MYO9A: variants seen among roughly 807,000 people sequenced by gnomAD.
MYO9A encodes the protein myosin IXA.
MYO9A carries 103 observed loss-of-function variants against 293.3 expected under a neutral mutation model. That is an observed-to-expected ratio of 0.35 (90% CI 0.30 to 0.41). The LOEUF (loss-of-function observed/expected upper bound fraction) is 0.41. Ranked by LOEUF, MYO9A falls within the 10% of genes least tolerant of loss-of-function variation. The pLI, the probability that MYO9A is intolerant of heterozygous loss-of-function variation, is 1.00. For synonymous variants in MYO9A, 1,001 were observed against 1,035.7 expected, an observed-to-expected ratio of 0.97 and a Z score of 0.64; for missense variants, 2,685 against 3,033.0, an observed-to-expected ratio of 0.89 and a Z score of 2.69.
chr15:72,079,615 C>T lies in MYO9A; in HGVS notation c.-71-32981G>A, dbSNP rs776158100. 1.8e-4 allele frequency among the ~76,000 whole-genome samples: 28 copies of T among 152,044 alleles called. 1 individual carries two copies. The highest frequency in any genetic ancestry group is 3.8e-4 in the Non-Finnish European group (26 of 68,010). ...AACACATATACCAAACTGGAAAGAG[C>T]ACCACTAGGAAACGAACACTATGGA... On this transcript the variant is annotated intron_variant, in intron 1 of 41. Coordinates refer to ENST00000356056, the MANE Select transcript of MYO9A (RefSeq NM_006901.4).
intron 6 of MYO9A, among the ~76,000 whole-genome samples, chr15:72,017,801 AATTC>A (rs1036033259): frequency 1.1e-4 from 17 of 152,020 alleles, no homozygotes; most frequent in African/African-American, 3.9e-4. Context: ...TTAATAAATT[AATTC>A]ATTAATTAAT....
At chr15:72,020,872 A>T in intron 5 of MYO9A, 46 bp downstream of exon 5, 1 of 1,203,620 alleles carries the variant, frequency 8.3e-7, no homozygotes, top group South Asian at 1.9e-5. Context: ...CAAGCATTAA[A>T]TTTAATACTG....
rs776557926 is a variant in MYO9A at position 72,046,025 on chromosome 15, C to T, written c.539G>A (p.Gly180Asp). 6.2e-7 allele frequency: 1 copy of T among 1,613,392 alleles called. No individual in the cohort carries two copies. ...FKHEKIYTYV[G>D]SILIVINPFK... is the part of the protein sequence containing the mutation. ...TGGGTTAATAACTATTAGAATACTG[C>T]CAACATAGGTATAAATTTTTTCATG... The change falls in exon 2 of 42, where the codon GGC (glycine) becomes GAC (aspartate). Residue 180 changes from glycine to aspartate, a missense_variant. Coordinates refer to ENST00000356056, the MANE Select transcript of MYO9A (RefSeq NM_006901.4).
At chr15:72,104,455 G>A (rs965449535) in intron 1 of MYO9A, among the ~76,000 whole-genome samples, 2 of 152,136 alleles carry the variant, frequency 1.3e-5, no homozygotes, top group Non-Finnish European at 2.9e-5. Flanking sequence ...TTAATATACG[G>A]TAATATAAGT....
intron 19 of MYO9A, among the ~76,000 whole-genome samples, chr15:71,910,849 A>G (rs1001761490): frequency 6.6e-6 from 1 of 152,112 alleles, no homozygotes; most frequent in African/African-American, 2.4e-5. Context: ...TTAGTTCTTC[A>G]TATTATACAA....
intron 3 of MYO9A, among the ~76,000 whole-genome samples, chr15:72,032,006 A>G (rs1416123534): frequency 6.6e-6 from 1 of 152,108 alleles, no homozygotes; most frequent in East Asian, 1.9e-4. Flanking sequence ...TCCCAGGTTC[A>G]AGAGATTCTC....
At chr15:71,830,446 A>C (rs1283404212) in intron 39 of MYO9A, 135 bp from the exon 40 acceptor site, 6 of 821,534 alleles carry the variant, frequency 7.3e-6, no homozygotes, top group Admixed American at 2.7e-5. Flanking sequence ...TGCGAGGCCT[A>C]GGATATTTAG....
At chr15:71,916,219 TGGTTC>T in intron 19 of MYO9A, 146 bp downstream of exon 19, 1 of 856,294 alleles carries the variant, frequency 1.2e-6, no homozygotes, top group Non-Finnish European at 1.6e-6. Flanking sequence ...TTTTCATCTT[TGGTTC>T]TTTTTTCCAA....
intron 1 of MYO9A, among the ~76,000 whole-genome samples, chr15:72,096,284 G>C (rs940296043): frequency 1.3e-5 from 2 of 152,108 alleles, no homozygotes; most frequent in African/African-American, 4.8e-5. Flanking sequence ...GCTGTAGTTA[G>C]TTGAGATCAC....
At chr15:72,026,633 T>C (rs1436173438) in intron 4 of MYO9A, among the ~76,000 whole-genome samples, 1 of 150,634 alleles carries the variant, frequency 6.6e-6, no homozygotes, top group African/African-American at 2.4e-5. Context: ...GGAAAAAAAA[T>C]AGAGAACATC....
chr15:71,832,891 G>A (rs2140703954), intron 39 of MYO9A, among the ~76,000 whole-genome samples: 1 of 152,214 alleles, frequency 6.6e-6, no homozygotes, highest in East Asian at 1.9e-4. Flanking sequence ...TAAAACACCT[G>A]TATTATCTGG....
rs868001304 is a variant in MYO9A at position 72,028,214 on chromosome 15, A to T, written c.936-421T>A. On this transcript the variant is annotated intron_variant, in intron 3 of 41. Coordinates refer to ENST00000356056, the MANE Select transcript of MYO9A (RefSeq NM_006901.4). ...TCTGTCTCAAAAAAATAAATAAATA[A>T]ATAAATATATATATATATATATATA... is the stretch of plus-strand genomic sequence containing the variant. Among the ~76,000 whole-genome samples, 5 of 37,546 alleles carry T rather than the reference A, an allele frequency of 1.3e-4. No individual in the cohort carries two copies. In the South Asian group the frequency reaches 4.8e-3, roughly 36 times the overall value. The allele number at this position is 37,546 out of a possible 152,430, so 24.6% of individuals were successfully genotyped here.
intron 1 of MYO9A, among the ~76,000 whole-genome samples, chr15:72,072,244 G>C (rs1168132722): frequency 6.6e-6 from 1 of 151,686 alleles, no homozygotes; most frequent in Admixed American, 6.6e-5. Context: ...CCATTCTCCT[G>C]CCTCAGCCTC....
At chr15:71,832,180 G>C (rs1020002108) in intron 39 of MYO9A, among the ~76,000 whole-genome samples, 3 of 152,202 alleles carry the variant, frequency 2.0e-5, no homozygotes, top group African/African-American at 7.2e-5. Flanking sequence ...GGATGCTGAG[G>C]TAAGAGCATT....
chr15:72,098,197 G>A (rs141497777), intron 1 of MYO9A, among the ~76,000 whole-genome samples: 3,411 of 151,774 alleles, frequency 0.022, 58 homozygotes, highest in Non-Finnish European at 0.035. Context: ...AACAAGGCTA[G>A]GTCATAAATG....
intron 20 of MYO9A, 76 bp from the exon 21 acceptor site, chr15:71,904,115 CTG>C: frequency 8.8e-7 from 1 of 1,139,222 alleles, no homozygotes; most frequent in Non-Finnish European, 1.3e-6. Flanking sequence ...GCATGACTAA[CTG>C]TTGAGTATCT....
chr15:72,041,200 G>A (rs555086152), intron 2 of MYO9A: 1 of 1,373,302 alleles, frequency 7.3e-7, no homozygotes, highest in Admixed American at 1.7e-5. Context: ...TATTTGCAGG[G>A]TTTTATGGCT....
chr15:71,967,256 C>T (rs1215671949), intron 13 of MYO9A, among the ~76,000 whole-genome samples: 2 of 152,060 alleles, frequency 1.3e-5, no homozygotes, highest in Non-Finnish European at 2.9e-5. Flanking sequence ...TGTATATATG[C>T]ACATATGTAT....
intron 19 of MYO9A, among the ~76,000 whole-genome samples, chr15:71,905,449 C>G (rs187462136): frequency 6.6e-6 from 1 of 152,076 alleles, no homozygotes; most frequent in Non-Finnish European, 1.5e-5. Flanking sequence ...TTTGCACATT[C>G]TCTCTTTCTT....
Sources: gnomAD v4.1 joint callset for allele counts (sites outside exome capture counted in the v4.1 genomes callset) on GRCh38, gnomAD v4.1.1 for gene constraint, MANE v1.5 for transcripts, NCBI Gene and HGNC (gene_info 2026-07-23, HGNC 2026-07-21) for gene names.